The following P4HA2 variants were observed in gnomAD, a reference collection of about 807,000 sequenced individuals.
The protein encoded by P4HA2 is prolyl 4-hydroxylase subunit alpha-2.
A neutral mutation model predicts 76.9 loss-of-function variants in P4HA2; 46 were observed. The observed-to-expected ratio is 0.60, with a 90% CI of 0.47 to 0.76. The LOEUF is 0.76. P4HA2 is among the 30% of genes least tolerant of loss of function. The pLI is 0.00. For missense variants in P4HA2, 583 were observed against 669.4 expected, an observed-to-expected ratio of 0.87 and a Z score of 1.42; for synonymous variants, 243 against 254.0, an observed-to-expected ratio of 0.96 and a Z score of 0.41.
At chr5:132,197,608 CAAAAAAAAAAAAAA>C (rs555319735) in intron 12 of P4HA2, among the ~76,000 whole-genome samples, 1 of 55,192 alleles carries the variant, frequency 1.8e-5, no homozygotes, top group Non-Finnish European at 3.6e-5. Context: ...ACTCCATCTC[CAAAAAAAAAAAAAA>C]AAAAAAAAAG....
At chr5:132,201,848 A>C (rs1751534157) in intron 10 of P4HA2, 1 of 152,230 alleles carries the variant, frequency 6.6e-6, no homozygotes, top group Non-Finnish European at 1.5e-5. Context: ...ACAGCCGCAC[A>C]GCTAGCCAGG....
chr5:132,214,009 C>T lies in P4HA2; in HGVS notation c.376G>A (p.Asp126Asn). The change falls in exon 5 of 15, where the codon GAT (aspartate) becomes AAT (asparagine). Residue 126 changes from aspartate (D) to asparagine (N), a missense_variant. Transcript: ENST00000360568. ...TTGGCAGCTCCTATCTCGTCCTCAT[C>T]AGTGGGGAAGAACTGCCGCTGCACA... ...LSVQRQFFPTDEDEIGAAKAL... is the reference protein window; with the variant it reads ...LSVQRQFFPTNEDEIGAAKAL... 6.2e-7 allele frequency: 1 copy of T among 1,614,090 alleles called. No individual in the cohort carries two copies. Among genetic ancestry groups the T allele is most frequent in the Non-Finnish European group, 8.5e-7 (1 of 1,179,936 alleles).
chr5:132,219,775 G>GT (rs750791076), intron 1 of P4HA2, among the ~76,000 whole-genome samples: 15 of 152,094 alleles, frequency 9.9e-5, no homozygotes, highest in Non-Finnish European at 1.5e-4. Context: ...CAGTTCATCA[G>GT]TTTTTTGCCC....
intron 1 of P4HA2, among the ~76,000 whole-genome samples, chr5:132,219,193 G>T (rs1035925492): frequency 6.6e-6 from 1 of 152,168 alleles, no homozygotes; most frequent in African/African-American, 2.4e-5. Flanking sequence ...GCCAGAAGAG[G>T]AATAAAACTA....
Position 132,217,787 on chromosome 5 carries a change from G to A in P4HA2, c.144C>T (p.Ile48=), listed in dbSNP as rs760242530. Reference sequence around the variant, plus strand: ...TGGAAAGCTTGGCTTCCTCCACAAGGATGTACTCTTTCAGAGACTGCACCA... The same window carrying A: ...TGGAAAGCTTGGCTTCCTCCACAAGAATGTACTCTTTCAGAGACTGCACCA... ...KELVQSLKEY[I]LVEEAKLSKI... The change falls in exon 3 of 15, where the codon ATC becomes ATT. Residue 48 remains isoleucine, a synonymous_variant. Coordinates refer to ENST00000360568, the MANE Select transcript of P4HA2 (RefSeq NM_001017974.2). 8.7e-6 allele frequency: 14 copies of A among 1,612,380 alleles called. No individual in the cohort carries two copies. The highest frequency in any genetic ancestry group is 1.2e-5 in the Non-Finnish European group (14 of 1,178,522).
intron 14 of P4HA2, among the ~76,000 whole-genome samples, chr5:132,193,762 C>T (rs373142483): frequency 1.1e-4 from 17 of 152,290 alleles, no homozygotes; most frequent in South Asian, 1.0e-3. Context: ...TATCACCCCA[C>T]GCCATATCTT....
At chr5:132,206,762 G>A (rs1752261925) in intron 8 of P4HA2, among the ~76,000 whole-genome samples, 1 of 152,142 alleles carries the variant, frequency 6.6e-6, no homozygotes, top group South Asian at 2.1e-4. Flanking sequence ...ACGTAATTAT[G>A]CTCTAGAAGT....
intron 4 of P4HA2, 121 bp from the exon 5 acceptor site, chr5:132,214,174 CA>C: frequency 1.0e-6 from 1 of 959,680 alleles, no homozygotes; most frequent in Non-Finnish European, 1.5e-6. Flanking sequence ...CCCCCTCCCT[CA>C]AAGGCTGTTG....
chr5:132,193,847 A>G (rs1191133423), intron 14 of P4HA2, among the ~76,000 whole-genome samples: 1 of 152,174 alleles, frequency 6.6e-6, no homozygotes, highest in African/African-American at 2.4e-5. Flanking sequence ...TCAATGCACT[A>G]CTGAAGTCAC....
At chr5:132,198,779 G>C (rs1039397326) in intron 11 of P4HA2, 100 bp downstream of exon 11, 1 of 818,360 alleles carries the variant, frequency 1.2e-6, no homozygotes, top group Admixed American at 1.8e-5. Flanking sequence ...GACAAGGGGT[G>C]GGGGTACTGA....
chr5:132,211,333 C>T (rs928456360), intron 5 of P4HA2, among the ~76,000 whole-genome samples: 1 of 152,144 alleles, frequency 6.6e-6, no homozygotes, highest in Non-Finnish European at 1.5e-5. Context: ...GTGTGTGGTT[C>T]CTCAGAGAAT....
intron 9 of P4HA2, 104 bp downstream of exon 9, chr5:132,203,978 G>A: frequency 8.7e-7 from 1 of 1,147,492 alleles, no homozygotes. Flanking sequence ...GGGGTGAGGA[G>A]GTGCCAGCAG....
Position 132,194,949 on chromosome 5 carries a change from G to C in P4HA2, c.1508C>G (p.Pro503Arg). 1 of 1,612,908 alleles carries C rather than the reference G, an allele frequency of 6.2e-7. No homozygotes were observed. The highest frequency in any genetic ancestry group is 8.5e-7 in the Non-Finnish European group (1 of 1,178,872). ...GDYRTRHAACPVLVGCKWVSN... is the reference protein window; with the variant it reads ...GDYRTRHAACRVLVGCKWVSN... Reference sequence around the variant, plus strand: ...ACCCCACTTGCAGCCCACAAGCACAGGGCAGGCAGCATGTCTTGTTCGGTA... The same window carrying C: ...ACCCCACTTGCAGCCCACAAGCACACGGCAGGCAGCATGTCTTGTTCGGTA... Residue 503 changes from proline to arginine, a missense_variant, in exon 14 of 15, where the codon CCT becomes CGT. Pro to Arg is a moderately radical substitution (Grantham distance 103, BLOSUM62 -2). Transcript: ENST00000360568.
At chr5:132,196,924 T>A (rs1265935386) in intron 12 of P4HA2, among the ~76,000 whole-genome samples, 1 of 151,214 alleles carries the variant, frequency 6.6e-6, no homozygotes, top group Non-Finnish European at 1.5e-5. Context: ...TCTCTCATAT[T>A]GGACCTCAAG....
At chr5:132,217,147 G>C in intron 4 of P4HA2, 50 bp downstream of exon 4, 1 of 1,574,052 alleles carries the variant, frequency 6.4e-7, no homozygotes, top group Non-Finnish European at 8.7e-7. Flanking sequence ...ACCCAGGCAT[G>C]AGCACACAAA....
At position 132,217,272 on chromosome 5, in the gene P4HA2, C is replaced by T. The variant is rs375615288; in HGVS notation, c.256G>A (p.Ala86Thr). 27 of 1,614,058 alleles carry T rather than the reference C, an allele frequency of 1.7e-5. No individual in the cohort carries two copies. Among genetic ancestry groups the T allele is most frequent in the African/African-American group, 1.1e-4 (8 of 74,930 alleles). Residue 86 changes from alanine to threonine, a missense_variant, in exon 4 of 15, where the codon GCC (alanine) becomes ACC (threonine). Transcript: ENST00000360568. ...AEGYLAHPVNAYKLVKRLNTD... is the reference protein window; with the variant it reads ...AEGYLAHPVNTYKLVKRLNTD... The stretch of plus-strand genomic sequence containing the variant: ...TTTAGCCGCTTCACCAGTTTGTAGG[C>T]ATTCACAGGGTGAGCCAGGTAGCCC...
rs1197332367 is a variant in P4HA2 at position 132,203,797 on chromosome 5, C to T, written c.1202G>A (p.Arg401Gln). ...TGTTAACCCTGTGATATGCTGCATC[C>T]GACGATTTACTCGGGCCACAACAGG... ...DDPVVARVNR[R>Q]MQHITGLTVK... Residue 401 changes from arginine to glutamine, a missense_variant, in exon 10 of 15, where the codon CGG becomes CAG. By Grantham distance (43) the Arg-to-Gln change is conservative. Coordinates refer to ENST00000360568, the MANE Select transcript of P4HA2 (RefSeq NM_001017974.2). 1.5e-5 allele frequency: 24 copies of T among 1,613,680 alleles called. No homozygotes were observed. Among genetic ancestry groups the T allele is most frequent in the East Asian group, 4.5e-5 (2 of 44,898 alleles).
chr5:132,209,079 G>T (rs2126585745), intron 7 of P4HA2, 59 bp downstream of exon 7: 3 of 1,311,152 alleles, frequency 2.3e-6, no homozygotes, highest in Non-Finnish European at 3.2e-6. Context: ...AAATCTGCCT[G>T]CCCAGAGCCA....
intron 12 of P4HA2, 82 bp downstream of exon 12, chr5:132,198,239 C>T (rs1253226710): frequency 6.2e-7 from 1 of 1,614,218 alleles, no homozygotes; most frequent in South Asian, 1.1e-5. Context: ...GATTCCCCGT[C>T]CCTAAATGCT....
Sources: gnomAD v4.1 joint callset for allele counts (sites outside exome capture counted in the v4.1 genomes callset) on GRCh38, gnomAD v4.1.1 for gene constraint, MANE v1.5 for transcripts, NCBI Gene and HGNC (gene_info 2026-07-23, HGNC 2026-07-21) for gene names.